TP53BP1: variants seen among roughly 807,000 people sequenced by gnomAD.
The protein encoded by TP53BP1 is tumor protein p53 binding protein 1, also known as TP53-binding protein 1.
A neutral mutation model predicts 200.8 loss-of-function variants in TP53BP1; 61 were observed. The ratio of observed to expected loss-of-function variants is 0.30; its 90% CI spans 0.25 to 0.38. The LOEUF (loss-of-function observed/expected upper bound fraction) is 0.38. Among genes scored for constraint, TP53BP1 ranks in the 10% least tolerant of loss-of-function variants. TP53BP1 has a pLI of 1.00. For synonymous variants in TP53BP1, 822 were observed against 844.3 expected (o/e 0.97, Z 0.46); for missense variants, 2,144 against 2,371.9 (o/e 0.90, Z 2.00).
chr15:43,443,864 T>C (rs1566937101), intron 14 of TP53BP1, among the ~76,000 whole-genome samples: 1 of 152,170 alleles, frequency 6.6e-6, no homozygotes, highest in Non-Finnish European at 1.5e-5. Flanking sequence ...AAACAACCCT[T>C]AAATGGTTTT....
chr15:43,431,382 A>G (rs958051338), intron 17 of TP53BP1, among the ~76,000 whole-genome samples: 1 of 152,110 alleles, frequency 6.6e-6, no homozygotes, highest in African/African-American at 2.4e-5. Context: ...ATTTGTTAAC[A>G]CATACATTTC....
intron 13 of TP53BP1, 33 bp downstream of exon 13, chr15:43,447,332 CT>C: frequency 6.3e-7 from 1 of 1,584,914 alleles, no homozygotes; most frequent in Non-Finnish European, 8.6e-7. Flanking sequence ...CTCAGAAATT[CT>C]GCCTTAAATA....
At chr15:43,412,936 T>A (rs1266864217) in intron 24 of TP53BP1, among the ~76,000 whole-genome samples, 183 bp downstream of exon 24, 1 of 152,220 alleles carries the variant, frequency 6.6e-6, no homozygotes, top group East Asian at 1.9e-4. Context: ...CTGAGAGGAA[T>A]TTTGTGAAAA....
exon 1 of TP53BP1, chr15:43,510,509 C>CAAA (rs35271859): frequency 4.5e-5 from 6 of 133,268 alleles, no homozygotes; most frequent in Middle Eastern, 3.8e-3. Flanking sequence ...TGACAAAAAA[C>CAAA]AAAAAAAAAA....
rs746796969 is a variant in TP53BP1, at chr15:43,457,222, A to C, written c.1390-4T>G. The C allele has an allele frequency of 1.9e-6, 3 of 1,584,272 alleles. No individual in the cohort carries two copies. Among genetic ancestry groups the C allele is most frequent in the Admixed American group, 3.6e-5 (2 of 54,988 alleles). On this transcript the variant is annotated splice_polypyrimidine_tract_variant and splice_region_variant and intron_variant, in intron 11 of 27. Transcript: ENST00000382044. ...TTGGGGAAGGAATAAAAATGTCCTA[A>C]GGAAGAACAGAAAGAGACAAATTGT... is the stretch of plus-strand genomic sequence containing the variant.
At position 43,406,902 on chromosome 15, in the gene TP53BP1, G is replaced by T. The variant is rs2044912811; in HGVS notation, c.*481C>A. On this transcript the variant is annotated 3_prime_UTR_variant, in exon 28 of 28. Coordinates refer to ENST00000382044, the MANE Select transcript of TP53BP1 (RefSeq NM_001141980.3). The stretch of plus-strand genomic sequence containing the variant: ...ACAGGTGAGCTGTGATCTCAGCTCA[G>T]AGAGAGAGCATGAGGTCTTTTTTAA... 3.9e-6 allele frequency: 1 copy of T among 258,942 alleles called. No individual in the cohort carries two copies. The highest frequency in any genetic ancestry group is 2.3e-5 in the African/African-American group (1 of 44,338). The allele number at this position is 258,942 out of a possible 1,614,324, so 16.0% of individuals were successfully genotyped here.
At chr15:43,498,535 A>G (rs2079192878) in intron 1 of TP53BP1, among the ~76,000 whole-genome samples, 1 of 151,710 alleles carries the variant, frequency 6.6e-6, no homozygotes, top group African/African-American at 2.4e-5. Flanking sequence ...TCCAAAGAGA[A>G]AGAGAGAGAG....
At position 43,492,435 on chromosome 15, in the gene TP53BP1, T is replaced by C. The variant is rs1311084832; in HGVS notation, c.41A>G (p.Asp14Gly). ...AGTATCTTGCTGAGAGAAATCTGAA[T>C]CCAACTGACTTCCAGTAGGGTCCAT... ...EQMDPTGSQL[D>G]SDFSQQDTPC... The change falls in exon 2 of 28, where the codon GAT becomes GGT. Residue 14 changes from aspartate to glycine, a missense_variant. Physicochemically the swap from Asp to Gly is moderately conservative, Grantham distance 94. Transcript: ENST00000382044. 1 of 1,614,052 alleles carries C rather than the reference T, an allele frequency of 6.2e-7. No homozygotes were observed. The highest frequency in any genetic ancestry group is 8.5e-7 in the Non-Finnish European group (1 of 1,179,984).
intron 4 of TP53BP1, among the ~76,000 whole-genome samples, chr15:43,487,915 C>A (rs1206845484): frequency 2.0e-5 from 3 of 152,076 alleles, no homozygotes; most frequent in African/African-American, 7.2e-5. Flanking sequence ...TGTGGTACAT[C>A]CACGGCATGG....
At position 43,432,247 on chromosome 15, in the gene TP53BP1, C is replaced by T. The variant is rs2045688002; in HGVS notation, c.3622G>A (p.Gly1208Ser). The T allele has an allele frequency of 6.2e-7, 1 of 1,613,992 alleles. No homozygotes were observed. The highest frequency in any genetic ancestry group is 1.1e-5 in the South Asian group (1 of 91,082). The change falls in exon 17 of 28, where the codon GGT (glycine) becomes AGT (serine). Residue 1208 changes from glycine (G) to serine (S), a missense_variant. By Grantham distance (56) the Gly-to-Ser change is moderately conservative. This residue lies in a region of TP53BP1 where 1,700 missense variants were observed against 1,710.3 expected (regional missense o/e 0.99). Coordinates refer to ENST00000382044, the MANE Select transcript of TP53BP1 (RefSeq NM_001141980.3). ...CCAGGAGCACTGACTGGTTTCTCAC[C>T]ACTCCCCCTCTCAGTCTGAACTGTG... ...DATVQTERGS[G>S]EKPVSAPGDD...
At position 43,406,890 on chromosome 15, in the gene TP53BP1, GATCTC is replaced by G; in HGVS notation, c.*488_*492del. ...TGGGGAGTACCCACAGGTGAGCTGT[GATCTC>G]AGCTCAGAGAGAGAGCATGAGGTCT... On this transcript the variant is annotated 3_prime_UTR_variant, in exon 28 of 28. Coordinates refer to ENST00000382044, the MANE Select transcript of TP53BP1 (RefSeq NM_001141980.3). The G allele has an allele frequency of 7.4e-6, 2 of 271,678 alleles. No homozygotes were observed. The highest frequency in any genetic ancestry group is 8.0e-5 in the South Asian group (2 of 24,922). 16.8% of individuals were successfully genotyped at this position (271,678 alleles called of 1,614,324 possible). A position where few individuals can be genotyped will look rare whatever the true frequency, so the allele number is the denominator to read the frequency against.
chr15:43,503,918 T>C (rs1167089212), intron 1 of TP53BP1, among the ~76,000 whole-genome samples: 2 of 152,242 alleles, frequency 1.3e-5, no homozygotes, highest in African/African-American at 4.8e-5. Flanking sequence ...TGTAATTATT[T>C]GCCAAACAAT....
chr15:43,418,179 T>TAA (rs2045311267), intron 21 of TP53BP1, among the ~76,000 whole-genome samples: 1 of 127,586 alleles, frequency 7.8e-6, no homozygotes, highest in African/African-American at 3.1e-5. Flanking sequence ...GGCTCTGTTT[T>TAA]TAAAAAAAAA....
intron 11 of TP53BP1, among the ~76,000 whole-genome samples, chr15:43,458,258 C>T (rs1333273642): frequency 7.9e-5 from 12 of 151,566 alleles, no homozygotes; most frequent in Non-Finnish European, 8.8e-5. Flanking sequence ...ATGGTGAAAC[C>T]CCATCTCTAC....
chr15:43,429,894 T>A (rs1008038784), intron 17 of TP53BP1, among the ~76,000 whole-genome samples: 1 of 152,142 alleles, frequency 6.6e-6, no homozygotes, highest in African/African-American at 2.4e-5. Context: ...AAAGAGAAAG[T>A]CAGTCTAAAA....
chr15:43,458,398 C>T (rs1387862785), intron 11 of TP53BP1, among the ~76,000 whole-genome samples: 1 of 151,552 alleles, frequency 6.6e-6, no homozygotes, highest in Non-Finnish European at 1.5e-5. Context: ...GAGATCGTGA[C>T]ATTGTACTCC....
At chr15:43,499,700 C>T (rs1199721634) in intron 1 of TP53BP1, among the ~76,000 whole-genome samples, 1 of 152,166 alleles carries the variant, frequency 6.6e-6, no homozygotes, top group African/African-American at 2.4e-5. Context: ...CAGAGCAAGT[C>T]AGAAAACCCA....
Position 43,421,902 on chromosome 15 carries a change from G to T in TP53BP1, c.4053C>A (p.Pro1351=). Residue 1351 remains proline, a synonymous_variant, in exon 19 of 28, where the codon CCC becomes CCA. Transcript: ENST00000382044. The part of the protein sequence containing the change: ...PLRGKTSGTE[P]ADFALPSSRG... ...GGGAGCTGGGTAAGGCAAAATCTGC[G>T]GGTTCTGTCCCGCTGGTTTTCCCTC... is the stretch of plus-strand genomic sequence containing the variant. 1 of 1,614,152 alleles carries T rather than the reference G, an allele frequency of 6.2e-7. No homozygotes were observed. Among genetic ancestry groups the T allele is most frequent in the South Asian group, 1.1e-5 (1 of 91,072 alleles).
chr15:43,458,027 G>GTAA (rs1410083433), intron 11 of TP53BP1, among the ~76,000 whole-genome samples: 21 of 151,666 alleles, frequency 1.4e-4, no homozygotes, highest in South Asian at 4.2e-4. Context: ...TCAAAAAATA[G>GTAA]TAATAATAAT....
Sources: gnomAD v4.1 joint callset for allele counts (sites outside exome capture counted in the v4.1 genomes callset) on GRCh38, gnomAD v4.1.1 for gene constraint, gnomAD v4.1.1 regional missense constraint, MANE v1.5 for transcripts, NCBI Gene and HGNC (gene_info 2026-07-23, HGNC 2026-07-21) for gene names.